The following KIF3A variants were observed in gnomAD, a reference collection of about 807,000 sequenced individuals.
The protein encoded by KIF3A is kinesin-like protein KIF3A.
In KIF3A, 27 loss-of-function variants were observed where a neutral mutation model predicts 92.6. The ratio of observed to expected loss-of-function variants is 0.29; its 90% CI spans 0.21 to 0.40. The LOEUF (loss-of-function observed/expected upper bound fraction) is 0.40, where lower values mean the gene tolerates loss of function less well. KIF3A is among the 10% of genes least tolerant of loss of function. The probability of loss-of-function intolerance (pLI) is 1.00; values close to 1 mark genes in which losing one functional copy is unlikely to be tolerated. For synonymous variants in KIF3A, 250 were observed against 275.4 expected, an observed-to-expected ratio of 0.91 and a Z score of 0.92; for missense variants, 581 against 872.6, an observed-to-expected ratio of 0.67 and a Z score of 4.21.
intron 18 of KIF3A, among the ~76,000 whole-genome samples, chr5:132,697,047 A>T (rs1261858430): frequency 6.6e-6 from 1 of 152,244 alleles, no homozygotes; most frequent in Non-Finnish European, 1.5e-5. Context: ...GTGGATTCAG[A>T]GGAAATCAGA....
rs1180495774 is a variant in KIF3A at position 132,702,672 on chromosome 5, T to A, written c.1648-4A>T. The stretch of plus-strand genomic sequence containing the variant: ...CTTCAATATCCAAGCGTTCTTGCTA[T>A]GACAAAAATTAGTAAACTTCAGAAT... On this transcript the variant is annotated splice_polypyrimidine_tract_variant and splice_region_variant and intron_variant, in intron 13 of 18. Transcript: ENST00000403231. The A allele has an allele frequency of 1.3e-6, 2 of 1,568,740 alleles. No homozygotes were observed. The highest frequency in any genetic ancestry group is 1.7e-6 in the Non-Finnish European group (2 of 1,149,218).
In KIF3A at chr5:132,726,145, G is replaced by C; in HGVS notation, c.493C>G (p.Gln165Glu). ...EEVRDLLGKDQTQRLEVKERP... is the reference protein window; with the variant it reads ...EEVRDLLGKDETQRLEVKERP... Reference sequence around the variant, plus strand: ...ATCCTTACCTCTAACCTTTGTGTCTGATCCTTGCCCAAAAGGTCACGAACT... The same window carrying C: ...ATCCTTACCTCTAACCTTTGTGTCTCATCCTTGCCCAAAAGGTCACGAACT... The change falls in exon 4 of 19, where the codon CAG becomes GAG. Residue 165 changes from glutamine (Q) to glutamate (E), a missense_variant. Coordinates refer to ENST00000403231, the MANE Select transcript of KIF3A (RefSeq NM_001300791.2). 6.2e-7 allele frequency: 1 copy of C among 1,610,698 alleles called. No homozygotes were observed. The highest frequency in any genetic ancestry group is 1.3e-5 in the African/African-American group (1 of 74,916).
chr5:132,716,801 A>G (rs751739228), intron 6 of KIF3A, 44 bp downstream of exon 6: 3 of 1,584,164 alleles, frequency 1.9e-6, no homozygotes, highest in Non-Finnish European at 2.6e-6. Flanking sequence ...AAATAAATGG[A>G]TCACAAGAAA....
chr5:132,718,305 T>C (rs949727721), intron 5 of KIF3A, among the ~76,000 whole-genome samples: 2 of 152,176 alleles, frequency 1.3e-5, no homozygotes, highest in Non-Finnish European at 2.9e-5. Flanking sequence ...TTTACCTGAC[T>C]GGGTTTTTTT....
intron 8 of KIF3A, among the ~76,000 whole-genome samples, chr5:132,711,552 A>G (rs1003193319): frequency 4.6e-5 from 7 of 152,084 alleles, no homozygotes; most frequent in African/African-American, 1.4e-4. Flanking sequence ...AGATGGCACC[A>G]CTGTACTCCA....
intron 17 of KIF3A, chr5:132,699,560 C>CTTT (rs763198565): frequency 9.4e-4 from 400 of 423,396 alleles, no homozygotes; most frequent in South Asian, 2.3e-3. Context: ...TCTTCTTCTT[C>CTTT]TTTTTTTTTT....
intron 2 of KIF3A, 70 bp downstream of exon 2, chr5:132,734,135 A>G (rs1754318018): frequency 3.3e-6 from 4 of 1,197,010 alleles, no homozygotes; most frequent in Non-Finnish European, 3.6e-6. Flanking sequence ...CACAGCTGCA[A>G]TATGTGAATT....
downstream of KIF3A, among the ~76,000 whole-genome samples, chr5:132,690,147 C>T (rs1752627696): frequency 6.6e-6 from 1 of 152,184 alleles, no homozygotes; most frequent in Non-Finnish European, 1.5e-5. Flanking sequence ...ACTCGGGAGG[C>T]AGAGGTTGCA....
chr5:132,690,206 ACT>A (rs1752628678), downstream of KIF3A, among the ~76,000 whole-genome samples: 1 of 152,086 alleles, frequency 6.6e-6, no homozygotes. Context: ...ACAGAGTGAG[ACT>A]CTGTCTCAAA....
intron 5 of KIF3A, among the ~76,000 whole-genome samples, chr5:132,717,830 T>C (rs775759065): frequency 3.3e-5 from 5 of 152,172 alleles, no homozygotes; most frequent in Non-Finnish European, 5.9e-5. Flanking sequence ...AGCATTTTTC[T>C]GTGCAAGCTT....
In KIF3A at chr5:132,734,234, A is replaced by G; in HGVS notation, c.251T>C (p.Ile84Thr). The change falls in exon 2 of 19, where the codon ATT becomes ACT. Residue 84 changes from isoleucine to threonine, a missense_variant. Around this residue, in one of 5 missense-constraint regions of KIF3A, gnomAD observed 217 missense variants for 299.7 expected, o/e 0.72. Coordinates refer to ENST00000403231, the MANE Select transcript of KIF3A (RefSeq NM_001300791.2). ...LDVYNLTARP[I>T]IDSVLEGYNG... ...GTAGCCTTCAAGTACAGAATCAATA[A>G]TAGGTCTTGCAGTTAAGTTATAAAC... is the stretch of plus-strand genomic sequence containing the variant. 1.2e-6 allele frequency: 2 copies of G among 1,613,730 alleles called. No homozygotes were observed. Among genetic ancestry groups the G allele is most frequent in the Non-Finnish European group, 1.7e-6 (2 of 1,179,764 alleles).
downstream of KIF3A, among the ~76,000 whole-genome samples, chr5:132,690,082 G>A (rs763976188): frequency 2.0e-5 from 3 of 152,296 alleles, no homozygotes; most frequent in South Asian, 4.1e-4. Flanking sequence ...GCCGAGCATG[G>A]TGTTGCGTCT....
chr5:132,714,426 CA>C (rs1753542997), intron 8 of KIF3A, among the ~76,000 whole-genome samples: 2 of 152,132 alleles, frequency 1.3e-5, no homozygotes, highest in African/African-American at 2.4e-5. Flanking sequence ...TTATGTTATG[CA>C]AGTTTAACCA....
intron 9 of KIF3A, among the ~76,000 whole-genome samples, chr5:132,710,382 C>T (rs534218598): frequency 1.2e-4 from 18 of 152,044 alleles, no homozygotes; most frequent in African/African-American, 4.3e-4. Flanking sequence ...TTTGGGAGGC[C>T]GAGGCAGATG....
At position 132,698,614 on chromosome 5, in the gene KIF3A, G is replaced by T. The variant is rs1048029856; in HGVS notation, c.2132+557C>A. Among the ~76,000 whole-genome samples, 66 of 152,156 alleles carry T rather than the reference G, an allele frequency of 4.3e-4. 1 individual carries two copies. The highest frequency in any genetic ancestry group is 1.4e-3 in the African/African-American group (60 of 41,496). On this transcript the variant is annotated intron_variant, in intron 18 of 18. Transcript: ENST00000403231. ...AGGAATTAAACCCATTATACATTTG[G>T]AAATAACAGAGTGAATTAAAAATAA...
chr5:132,708,812 G>A, intron 10 of KIF3A, 95 bp downstream of exon 10: 1 of 739,400 alleles, frequency 1.4e-6, no homozygotes, highest in South Asian at 1.8e-5. Flanking sequence ...TATTCTTTAG[G>A]TAATGACAGG....
At chr5:132,691,098 T>C (rs1752653278), downstream of KIF3A, among the ~76,000 whole-genome samples, 1 of 152,224 alleles carries the variant, frequency 6.6e-6, no homozygotes, top group African/African-American at 2.4e-5. Context: ...GTCTTGGAGA[T>C]ACTTCAAGCT....
intron 10 of KIF3A, among the ~76,000 whole-genome samples, chr5:132,708,462 A>G (rs569584411): frequency 1.3e-5 from 2 of 152,254 alleles, no homozygotes; most frequent in East Asian, 3.9e-4. Flanking sequence ...AGGACACCAA[A>G]GTGTAAAAAA....
Position 132,715,926 on chromosome 5 carries a change from T to G in KIF3A, c.960A>C (p.Ala320=), listed in dbSNP as rs1435849114. ...LGGNSKTMMC[A]NIGPADYNYD... is the part of the protein sequence containing the mutation. ...AATTGTAATCTGCTGGCCCAATATT[T>G]GCACACTATTGAATTAGAAATATGA... Residue 320 remains alanine, a synonymous_variant, in exon 8 of 19, where the codon GCA becomes GCC. Transcript: ENST00000403231. The G allele has an allele frequency of 1.9e-6, 3 of 1,577,216 alleles. No homozygotes were observed. Among genetic ancestry groups the G allele is most frequent in the Non-Finnish European group, 2.6e-6 (3 of 1,160,248 alleles).
Sources: allele counts gnomAD v4.1 joint callset (sites outside exome capture counted in the v4.1 genomes callset), GRCh38; gene constraint gnomAD v4.1.1; regional missense constraint gnomAD v4.1.1; transcripts MANE v1.5; gene names NCBI Gene and HGNC (gene_info 2026-07-23, HGNC 2026-07-21).